MSL1: variants seen among roughly 807,000 people sequenced by gnomAD.
MSL1 encodes the protein male-specific lethal 1 homolog.
Under a neutral mutation model 64.6 loss-of-function variants are expected in MSL1, and 21 were observed. That is an observed-to-expected ratio of 0.33 (90% CI 0.23 to 0.47). The LOEUF (loss-of-function observed/expected upper bound fraction) is 0.47. Among genes scored for constraint, MSL1 ranks in the 20% least tolerant of loss-of-function variants. The pLI is 1.00. For synonymous variants in MSL1, 339 were observed against 329.6 expected, an observed-to-expected ratio of 1.03 and a Z score of -0.31; for missense variants, 664 against 793.2, an observed-to-expected ratio of 0.84 and a Z score of 1.96.
At position 40,129,338 on chromosome 17, in the gene MSL1, T is replaced by C; in HGVS notation, c.1086T>C (p.Ser362=). The change falls in exon 3 of 9, where the codon TCT becomes TCC. Residue 362 remains serine (S), a synonymous_variant. Transcript: ENST00000398532. The stretch of plus-strand genomic sequence containing the variant: ...TCAAAACAAAAACTCCTAAGCACTC[T>C]CCTATTAAAGAGGAACCCTGTGGTT... ...SKVKTKTPKH[S]PIKEEPCGSL... 6.2e-7 allele frequency: 1 copy of C among 1,610,550 alleles called. No individual in the cohort carries two copies. The highest frequency in any genetic ancestry group is 8.5e-7 in the Non-Finnish European group (1 of 1,179,024).
chr17:40,123,249 T>C lies in MSL1; in HGVS notation c.637T>C (p.Ser213Pro), dbSNP rs2145125416. 1 of 1,535,454 alleles carries C rather than the reference T, an allele frequency of 6.5e-7. No homozygotes were observed. The highest frequency in any genetic ancestry group is 8.7e-7 in the Non-Finnish European group (1 of 1,146,774). ...GAGCCCTCTCGGGGGTGGTGGCGGCTCGGGAGCCTCCAGTCAGGCCGCCTG... is the reference window on the plus strand; with the variant it reads ...GAGCCCTCTCGGGGGTGGTGGCGGCCCGGGAGCCTCCAGTCAGGCCGCCTG... ...RKSPLGGGGG[S>P]GASSQAACLK... The change falls in exon 1 of 9, where the codon TCG (serine) becomes CCG (proline). Residue 213 changes from serine to proline, a missense_variant. Transcript: ENST00000398532.
In MSL1 at chr17:40,122,640, G is replaced by C; in HGVS notation, c.28G>C (p.Ala10Pro). Residue 10 changes from alanine (A) to proline (P), a missense_variant, in exon 1 of 9, where the codon GCG becomes CCG. Coordinates refer to ENST00000398532, the MANE Select transcript of MSL1 (RefSeq NM_001365919.1). The surrounding 1 kb of genome is among the most constrained non-coding windows in gnomAD (Gnocchi z 4.2). MTMRSAVFKAAAAPAGGNPE... is the reference protein window; with the variant it reads MTMRSAVFKPAAAPAGGNPE... ...GACCATGAGATCCGCGGTGTTCAAG[G>C]CGGCCGCGGCCCCTGCCGGCGGCAA... The C allele has an allele frequency of 6.7e-7, 1 of 1,489,902 alleles. No homozygotes were observed. The highest frequency in any genetic ancestry group is 2.9e-5 in the East Asian group (1 of 34,554). The allele number at this position is 1,489,902 out of a possible 1,614,324, so 92.3% of individuals were successfully genotyped here.
In MSL1 at chr17:40,134,275, C is replaced by G; in HGVS notation, c.1755-4C>G. The G allele has an allele frequency of 6.4e-7, 1 of 1,551,530 alleles. No homozygotes were observed. Among genetic ancestry groups the G allele is most frequent in the East Asian group, 2.4e-5 (1 of 41,268 alleles). Reference sequence around the variant, plus strand: ...AAGTTGATTTCCTCATCCTTTTTTGCCAGGAATTTTGAGCTACCCTGGTTG... The same window carrying G: ...AAGTTGATTTCCTCATCCTTTTTTGGCAGGAATTTTGAGCTACCCTGGTTG... On this transcript the variant is annotated splice_region_variant and splice_polypyrimidine_tract_variant and intron_variant, in intron 8 of 8. Transcript: ENST00000398532.
chr17:40,126,515 T>G, intron 2 of MSL1, 109 bp downstream of exon 2: 1 of 1,057,922 alleles, frequency 9.5e-7, no homozygotes, highest in Non-Finnish European at 1.4e-6. Context: ...TTTAGAAGTC[T>G]TCTATGCGGA....
intron 1 of MSL1, among the ~76,000 whole-genome samples, chr17:40,125,043 T>C (rs1437832184): frequency 6.6e-6 from 1 of 152,232 alleles, no homozygotes; most frequent in African/African-American, 2.4e-5. Context: ...ATGAATGTAA[T>C]GAAGGCAGCG....
chr17:40,132,375 C>G (rs543136975), intron 5 of MSL1, among the ~76,000 whole-genome samples: 62 of 152,234 alleles, frequency 4.1e-4, no homozygotes, highest in African/African-American at 1.5e-3. Flanking sequence ...TGGTGGCTTA[C>G]GCCTATAATC....
chr17:40,126,432 G>A (rs1459895543), intron 2 of MSL1, 26 bp downstream of exon 2: 6 of 1,587,052 alleles, frequency 3.8e-6, no homozygotes, highest in Middle Eastern at 1.8e-4. Context: ...TGTTTGATGA[G>A]GACCCTTGTT....
At chr17:40,128,336 G>A (rs1321678920) in intron 2 of MSL1, among the ~76,000 whole-genome samples, 1 of 150,454 alleles carries the variant, frequency 6.6e-6, no homozygotes, top group African/African-American at 2.5e-5. Context: ...GGTTGTAGTG[G>A]TACATAATGT....
At position 40,131,956 on chromosome 17, in the gene MSL1, A is replaced by C; in HGVS notation, c.1424-78A>C. ...CTTCTGGGGAGAGACCTCTTATCCT[A>C]GTGAATAGTTGTGCAACTTTGGATT... On this transcript the variant is annotated intron_variant, in intron 4 of 8. Transcript: ENST00000398532. The surrounding 1 kb of genome is among the most constrained non-coding windows in gnomAD (Gnocchi z 4.5). 9.8e-7 allele frequency: 1 copy of C among 1,019,684 alleles called. No individual in the cohort carries two copies. Among genetic ancestry groups the C allele is most frequent in the Non-Finnish European group, 1.5e-6 (1 of 674,364 alleles). The allele number at this position is 1,019,684 out of a possible 1,614,324, so 63.2% of individuals were successfully genotyped here. A position where few individuals can be genotyped will look rare whatever the true frequency, so the allele number is the denominator to read the frequency against.
At position 40,123,107 on chromosome 17, in the gene MSL1, C is replaced by T. The variant is rs1269607926; in HGVS notation, c.495C>T (p.Thr165=). ...GTGGGGCGGCCTCCCCCGCTGCCAC[C>T]GCCTCGGACCCGGCGGGACCCCCAC... ...DKGGAASPAA[T]ASDPAGPPPL... Residue 165 remains threonine (T), a synonymous_variant, in exon 1 of 9, where the codon ACC becomes ACT. Coordinates refer to ENST00000398532, the MANE Select transcript of MSL1 (RefSeq NM_001365919.1). 1 of 1,529,220 alleles carries T rather than the reference C, an allele frequency of 6.5e-7. No homozygotes were observed. Among genetic ancestry groups the T allele is most frequent in the Non-Finnish European group, 8.7e-7 (1 of 1,144,254 alleles). The allele number at this position is 1,529,220 out of a possible 1,614,324, so 94.7% of individuals were successfully genotyped here.
In MSL1 at chr17:40,134,820, A is replaced by C. The variant is rs189995437; in HGVS notation, c.*451A>C. On this transcript the variant is annotated 3_prime_UTR_variant, in exon 9 of 9. Coordinates refer to ENST00000398532, the MANE Select transcript of MSL1 (RefSeq NM_001365919.1). ...GATTTTTAACCCTAAAATAAAACAA[A>C]CAACCTCACCATGAGCTTTAGGACC... 2 of 155,866 alleles carry C rather than the reference A, an allele frequency of 1.3e-5. No homozygotes were observed. Among genetic ancestry groups the C allele is most frequent in the Non-Finnish European group, 2.9e-5 (2 of 70,160 alleles). The allele number at this position is 155,866 out of a possible 1,614,324, so 9.7% of individuals were successfully genotyped here.
At chr17:40,123,937 C>G (rs935301489) in intron 1 of MSL1, among the ~76,000 whole-genome samples, 4 of 152,148 alleles carry the variant, frequency 2.6e-5, no homozygotes, top group African/African-American at 7.2e-5. Context: ...CCTTTGATTT[C>G]AGACAGCTTT....
intron 8 of MSL1, 65 bp from the exon 9 acceptor site, chr17:40,134,214 G>A (rs1988495711): frequency 7.2e-7 from 1 of 1,392,346 alleles, no homozygotes. Context: ...TTTTGTAGTT[G>A]CTATCATGTC....
rs569377241 is a variant in MSL1, at chr17:40,129,234, C to A, written c.993-11C>A. The A allele has an allele frequency of 1.4e-5, 22 of 1,519,862 alleles. No homozygotes were observed. In the South Asian group the frequency reaches 2.6e-4, roughly 18 times the overall value. 94.1% of individuals were successfully genotyped at this position (1,519,862 alleles called of 1,614,324 possible). On this transcript the variant is annotated splice_polypyrimidine_tract_variant and intron_variant, in intron 2 of 8. Coordinates refer to ENST00000398532, the MANE Select transcript of MSL1 (RefSeq NM_001365919.1). ...AATAAATTTTATAATGTTTTCTTCC[C>A]TATCTAATAGGAAATCCCCATTTGG...
chr17:40,123,445 G>T (rs922166429), intron 1 of MSL1, 65 bp downstream of exon 1: 7 of 1,486,252 alleles, frequency 4.7e-6, no homozygotes, highest in South Asian at 2.4e-5. Flanking sequence ...GGGGGAAGGG[G>T]GCTGTAGGAG....
intron 1 of MSL1, among the ~76,000 whole-genome samples, chr17:40,124,379 CTCTCTCCCTCCCTCCCCGCCGTCCTCA>C (rs1397431572): frequency 1.3e-5 from 2 of 152,026 alleles, no homozygotes; most frequent in Non-Finnish European, 2.9e-5. Flanking sequence ...CTCTCTCTCT[CTCTCTCCCTCCCTCCCCGCCGTCCTCA>C]TCTCTCCCTC....
chr17:40,134,224 C>CCA (rs1387246847), intron 8 of MSL1, 55 bp from the exon 9 acceptor site: 15 of 1,459,376 alleles, frequency 1.0e-5, no homozygotes, highest in Non-Finnish European at 1.4e-5. Context: ...GCTATCATGT[C>CCA]CACACTGAAT....
chr17:40,131,852 T>G lies in MSL1; in HGVS notation c.1424-182T>G. ...CAGACTGCAATGGCATTTTAGGTTCTTTTATACCATAGCAAGGACACTGAA... is the reference window on the plus strand; with the variant it reads ...CAGACTGCAATGGCATTTTAGGTTCGTTTATACCATAGCAAGGACACTGAA... On this transcript the variant is annotated intron_variant, in intron 4 of 8. Coordinates refer to ENST00000398532, the MANE Select transcript of MSL1 (RefSeq NM_001365919.1). The surrounding 1 kb of genome is among the most constrained non-coding windows in gnomAD (Gnocchi z 4.5). The G allele has an allele frequency of 1.6e-6, 1 of 618,608 alleles. No individual in the cohort carries two copies. The highest frequency in any genetic ancestry group is 2.8e-6 in the Non-Finnish European group (1 of 351,966). The allele number at this position is 618,608 out of a possible 1,614,324, so 38.3% of individuals were successfully genotyped here. A position where few individuals can be genotyped will look rare whatever the true frequency, so the allele number is the denominator to read the frequency against.
chr17:40,123,225 A>G lies in MSL1; in HGVS notation c.613A>G (p.Ser205Gly), dbSNP rs1448580693. 2.6e-6 allele frequency: 4 copies of G among 1,535,256 alleles called. No homozygotes were observed. Among genetic ancestry groups the G allele is most frequent in the Admixed American group, 2.0e-5 (1 of 50,956 alleles). ...SEGRWKSMRK[S>G]PLGGGGGSGA... is the part of the protein sequence containing the mutation. ...GGGCAGATGGAAGAGTATGAGGAAGAGCCCTCTCGGGGGTGGTGGCGGCTC... is the reference window on the plus strand; with the variant it reads ...GGGCAGATGGAAGAGTATGAGGAAGGGCCCTCTCGGGGGTGGTGGCGGCTC... The change falls in exon 1 of 9, where the codon AGC becomes GGC. Residue 205 changes from serine (S) to glycine (G), a missense_variant. Physicochemically the swap from Ser to Gly is moderately conservative, Grantham distance 56. This residue lies in a region of MSL1 where 466 missense variants were observed against 499.0 expected (regional missense o/e 0.93). Transcript: ENST00000398532.
Sources: gnomAD v4.1 joint callset for allele counts (sites outside exome capture counted in the v4.1 genomes callset) on GRCh38, gnomAD v4.1.1 for gene constraint, gnomAD v4.1.1 regional missense constraint, Gnocchi (gnomAD v3.1) non-coding constraint, MANE v1.5 for transcripts, NCBI Gene and HGNC (gene_info 2026-07-23, HGNC 2026-07-21) for gene names.